PCDHA8: variants seen among roughly 807,000 people sequenced by gnomAD.
The protein encoded by PCDHA8 is protocadherin alpha-8.
A neutral mutation model predicts 61.8 loss-of-function variants in PCDHA8; 53 were observed. The ratio of observed to expected loss-of-function variants is 0.86; its 90% CI spans 0.69 to 1.08. PCDHA8 has a LOEUF of 1.08. Among genes scored for constraint, PCDHA8 ranks in the 50% least tolerant of loss-of-function variants. PCDHA8 has a pLI of 0.00. For missense variants in PCDHA8, 1,293 were observed against 1,245.0 expected (o/e 1.04, Z -0.58); for synonymous variants, 618 against 556.6 (o/e 1.11, Z -1.55).
intron 1 of PCDHA8, among the ~76,000 whole-genome samples, chr5:140,871,869 T>C (rs1230282991): frequency 6.6e-6 from 1 of 152,230 alleles, no homozygotes; most frequent in Non-Finnish European, 1.5e-5. Context: ...TATGGATTAT[T>C]TAAATTTGCT....
rs372349337 is a variant in PCDHA8, at chr5:140,882,421, C to A, written c.2394+38706C>A. On this transcript the variant is annotated intron_variant, in intron 1 of 3. Transcript: ENST00000531613. ...CCTTCGTGGGCCGCATCGCTCAGGA[C>A]CTGGGGCTGGAGCTGGCGGAGCTGG... is the stretch of plus-strand genomic sequence containing the variant. 5.0e-6 allele frequency: 8 copies of A among 1,613,986 alleles called. No homozygotes were observed. The African/African-American group carries it at 8.0e-5, about 16-fold the overall frequency.
chr5:140,870,147 A>G (rs1554163846), intron 1 of PCDHA8: 2 of 1,614,086 alleles, frequency 1.2e-6, no homozygotes, highest in Non-Finnish European at 1.7e-6. Flanking sequence ...ACTCTCCTGA[A>G]GTCGCCGTGA....
chr5:140,995,526 A>G (rs1241973159), intron 3 of PCDHA8, among the ~76,000 whole-genome samples: 1 of 152,244 alleles, frequency 6.6e-6, no homozygotes, highest in Non-Finnish European at 1.5e-5. Context: ...TCAGAAATCA[A>G]ACCTCAAATA....
chr5:140,922,101 G>A (rs531054386), intron 1 of PCDHA8, among the ~76,000 whole-genome samples: 1 of 152,086 alleles, frequency 6.6e-6, no homozygotes, highest in Admixed American at 6.5e-5. Context: ...ACCAACTATA[G>A]ATAAATGAAA....
At chr5:140,966,927 C>A in intron 1 of PCDHA8, 1 of 1,603,516 alleles carries the variant, frequency 6.2e-7, no homozygotes, top group Non-Finnish European at 8.5e-7. Context: ...GAGCAGGCAC[C>A]CGGCGCGCTC....
intron 1 of PCDHA8, among the ~76,000 whole-genome samples, chr5:140,916,719 A>G (rs921368119): frequency 2.0e-5 from 3 of 152,128 alleles, no homozygotes; most frequent in Non-Finnish European, 2.9e-5. Context: ...GGAAGGAGTG[A>G]CTTTTGTTGC....
intron 1 of PCDHA8, among the ~76,000 whole-genome samples, chr5:140,933,701 A>G (rs1204346571): frequency 6.6e-6 from 1 of 151,814 alleles, no homozygotes; most frequent in East Asian, 1.9e-4. Flanking sequence ...CCTCGGACAC[A>G]TTTACTGAGA....
Position 140,858,600 on chromosome 5 carries a change from T to A in PCDHA8, c.2394+14885T>A, listed in dbSNP as rs1554151852. The stretch of plus-strand genomic sequence containing the variant: ...GTAATATAATTTATTCCAGGAGTTT[T>A]AAAATTTTTTTATCCTACCCAGTGT... On this transcript the variant is annotated intron_variant, in intron 1 of 3. Coordinates refer to ENST00000531613, the MANE Select transcript of PCDHA8 (RefSeq NM_018911.3). 7.0e-6 allele frequency: 9 copies of A among 1,293,864 alleles called. 2 individuals are homozygous for A. The highest frequency in any genetic ancestry group is 3.0e-5 in the African/African-American group (2 of 67,188). The allele number at this position is 1,293,864 out of a possible 1,614,324, so 80.1% of individuals were successfully genotyped here.
intron 1 of PCDHA8, among the ~76,000 whole-genome samples, chr5:140,890,883 G>T (rs1339331273): frequency 1.3e-5 from 2 of 152,064 alleles, no homozygotes; most frequent in Non-Finnish European, 2.9e-5. Flanking sequence ...CCTTTCATCA[G>T]GGATTATTGT....
chr5:140,871,489 G>C (rs782277615), intron 1 of PCDHA8: 1 of 1,590,138 alleles, frequency 6.3e-7, no homozygotes, highest in Non-Finnish European at 8.6e-7. Context: ...AAATCACCCC[G>C]GACAGGTGAG....
intron 3 of PCDHA8, among the ~76,000 whole-genome samples, chr5:140,998,871 A>C (rs1554256499): frequency 6.6e-6 from 1 of 152,200 alleles, no homozygotes; most frequent in African/African-American, 2.4e-5. Flanking sequence ...CTTGTAAATA[A>C]TAAGTTTAGT....
At chr5:140,989,656 A>T (rs2153884121) in intron 3 of PCDHA8, among the ~76,000 whole-genome samples, 1 of 152,326 alleles carries the variant, frequency 6.6e-6, no homozygotes, top group Non-Finnish European at 1.5e-5. Context: ...GCAATATTTT[A>T]AAAGAAACTC....
At chr5:140,903,321 T>A (rs2070191003) in intron 1 of PCDHA8, among the ~76,000 whole-genome samples, 1 of 152,174 alleles carries the variant, frequency 6.6e-6, no homozygotes, top group Non-Finnish European at 1.5e-5. Flanking sequence ...GACAGCATTT[T>A]TATTGAGGAA....
chr5:140,874,334 C>A (rs2153310267), intron 1 of PCDHA8, among the ~76,000 whole-genome samples: 1 of 152,166 alleles, frequency 6.6e-6, no homozygotes, highest in South Asian at 2.1e-4. Context: ...CTGTTTTTTT[C>A]TCTTAAAGCT....
intron 1 of PCDHA8, among the ~76,000 whole-genome samples, chr5:140,946,108 T>C (rs782062288): frequency 2.0e-5 from 3 of 151,938 alleles, no homozygotes; most frequent in Non-Finnish European, 4.4e-5. Context: ...ATACCAAATA[T>C]ATAAGGAACT....
intron 1 of PCDHA8, among the ~76,000 whole-genome samples, chr5:140,871,854 A>C (rs1271399215): frequency 6.6e-6 from 1 of 152,254 alleles, no homozygotes; most frequent in African/African-American, 2.4e-5. Context: ...TATGACCATA[A>C]TAACTATGGA....
intron 1 of PCDHA8, among the ~76,000 whole-genome samples, chr5:140,947,220 T>A (rs531697572): frequency 6.6e-6 from 1 of 151,686 alleles, no homozygotes; most frequent in East Asian, 1.9e-4. Flanking sequence ...ATCCTGTCAT[T>A]TATGACAGGA....
intron 1 of PCDHA8, among the ~76,000 whole-genome samples, chr5:140,948,767 T>G (rs1266601836): frequency 6.6e-6 from 1 of 151,640 alleles, no homozygotes; most frequent in Non-Finnish European, 1.5e-5. Context: ...TTTTTTCGAA[T>G]AGCCAGCTTT....
At chr5:140,981,203 C>T (rs2096922514) in intron 2 of PCDHA8, among the ~76,000 whole-genome samples, 1 of 152,212 alleles carries the variant, frequency 6.6e-6, no homozygotes, top group South Asian at 2.1e-4. Flanking sequence ...TCTGTTGCCT[C>T]ATATAACCCC....
Sources: gnomAD v4.1 joint callset for allele counts (sites outside exome capture counted in the v4.1 genomes callset) on GRCh38, gnomAD v4.1.1 for gene constraint, MANE v1.5 for transcripts, NCBI Gene and HGNC (gene_info 2026-07-23, HGNC 2026-07-21) for gene names.